Variants in RBFOX3 observed in about 807,000 individuals in gnomAD.
RBFOX3 encodes RNA binding fox-1 homolog 3.
RBFOX3 carries 17 observed loss-of-function variants against 48.7 expected under a neutral mutation model. The observed-to-expected ratio is 0.35, with a 90% CI of 0.24 to 0.52. The LOEUF is 0.52. Ranked by LOEUF, RBFOX3 falls within the 20% of genes least tolerant of loss-of-function variation. The probability of loss-of-function intolerance (pLI) is 0.94; values close to 1 mark genes in which losing one functional copy is unlikely to be tolerated. For missense variants in RBFOX3, 382 were observed against 497.5 expected, an observed-to-expected ratio of 0.77 and a Z score of 2.21; for synonymous variants, 212 against 209.5, an observed-to-expected ratio of 1.01 and a Z score of -0.10.
intron 2 of RBFOX3, among the ~76,000 whole-genome samples, chr17:79,476,801 C>T (rs2077833754): frequency 6.6e-6 from 1 of 151,054 alleles, no homozygotes; most frequent in South Asian, 2.1e-4. Flanking sequence ...CACACAATTC[C>T]TCAGTGGGGT....
At chr17:79,510,144 C>G (rs1016327154) in intron 1 of RBFOX3, among the ~76,000 whole-genome samples, 1 of 152,152 alleles carries the variant, frequency 6.6e-6, no homozygotes, top group South Asian at 2.1e-4. Context: ...GGTCAGCAGC[C>G]AAGTCTCCTG....
Position 79,610,973 on chromosome 17 carries a change from C to T in RBFOX3, c.-467G>A, listed in dbSNP as rs1205377742. ...GGCGCGCGAGGCCGGGCTCGGGCGG[C>T]AGCTGTGGCAGCTGCTTCTCCTCCG... On this transcript the variant is annotated 5_prime_UTR_variant, in exon 1 of 15. Transcript: ENST00000693108. 1.3e-5 allele frequency among the ~76,000 whole-genome samples: 2 copies of T among 151,142 alleles called. No individual in the cohort carries two copies. The highest frequency in any genetic ancestry group is 6.6e-5 in the Admixed American group (1 of 15,194).
intron 2 of RBFOX3, among the ~76,000 whole-genome samples, chr17:79,372,844 T>C (rs1228389704): frequency 6.6e-6 from 1 of 152,194 alleles, no homozygotes; most frequent in Non-Finnish European, 1.5e-5. Flanking sequence ...TGGGGGAAGC[T>C]GACAGAAAAC....
chr17:79,572,539 T>G (rs1445750238), intron 1 of RBFOX3, among the ~76,000 whole-genome samples: 3 of 151,928 alleles, frequency 2.0e-5, no homozygotes, highest in African/African-American at 7.3e-5. Flanking sequence ...CTGAAGGCCT[T>G]CAGCCCTCTC....
At chr17:79,131,930 C>T (rs966198693) in intron 4 of RBFOX3, among the ~76,000 whole-genome samples, 6 of 152,148 alleles carry the variant, frequency 3.9e-5, no homozygotes, top group African/African-American at 1.4e-4. Context: ...GATTTTCACA[C>T]GATTAAGCGG....
chr17:79,235,927 C>G (rs1323858750), intron 3 of RBFOX3, 122 bp from the exon 4 acceptor site: 1 of 153,218 alleles, frequency 6.5e-6, no homozygotes, highest in Non-Finnish European at 1.5e-5. Flanking sequence ...AGCATCATCT[C>G]CCTGGGAGTC....
At chr17:79,282,658 G>A (rs905301803) in intron 3 of RBFOX3, among the ~76,000 whole-genome samples, 1 of 152,256 alleles carries the variant, frequency 6.6e-6, no homozygotes, top group Non-Finnish European at 1.5e-5. Context: ...CCCATAAGAG[G>A]CACTGTGCAG....
intron 4 of RBFOX3, among the ~76,000 whole-genome samples, chr17:79,223,782 A>C (rs904761653): frequency 2.0e-5 from 3 of 152,188 alleles, no homozygotes; most frequent in African/African-American, 7.2e-5. Flanking sequence ...TTCCAAGCTC[A>C]GCTGCTCTGT....
intron 4 of RBFOX3, among the ~76,000 whole-genome samples, chr17:79,180,811 G>A (rs1201615066): frequency 2.6e-5 from 4 of 151,084 alleles, no homozygotes; most frequent in South Asian, 2.1e-4. Context: ...CAGAACAGCC[G>A]CGGGCGAGGG....
intron 1 of RBFOX3, among the ~76,000 whole-genome samples, chr17:79,540,141 A>G (rs2150160126): frequency 6.6e-6 from 1 of 152,312 alleles, no homozygotes; most frequent in Middle Eastern, 3.4e-3. Flanking sequence ...AATCACACGC[A>G]TGCACACACA....
chr17:79,421,135 G>A lies in RBFOX3; in HGVS notation c.-175+61319C>T, dbSNP rs9899233. Among the ~76,000 whole-genome samples, 29,692 of 152,014 alleles carry A rather than the reference G, an allele frequency of 0.2. 3,161 individuals carry two copies. The highest frequency in any genetic ancestry group is 0.39 in the East Asian group (2,010 of 5,120). On this transcript the variant is annotated intron_variant, in intron 2 of 14. Coordinates refer to ENST00000693108, the MANE Select transcript of RBFOX3 (RefSeq NM_001350451.2). The surrounding 1 kb of genome is among the most constrained non-coding windows in gnomAD (Gnocchi z 4.5). ...ACATCAGTGCCAGGAAGATGACACC[G>A]TCCTGGCTTCACAGCAGAGGGCAGG...
chr17:79,450,893 G>T (rs2073363300), intron 2 of RBFOX3, among the ~76,000 whole-genome samples: 1 of 152,166 alleles, frequency 6.6e-6, no homozygotes, highest in African/African-American at 2.4e-5. Context: ...TAAAACTCTG[G>T]CTAAGGAAAC....
Position 79,479,343 on chromosome 17 carries a change from C to T in RBFOX3, c.-175+3111G>A, listed in dbSNP as rs2078438862. Among the ~76,000 whole-genome samples the T allele has an allele frequency of 1.3e-5, 2 of 152,070 alleles. No homozygotes were observed. The highest frequency in any genetic ancestry group is 4.8e-5 in the African/African-American group (2 of 41,376). ...CTGACCTCAGATGTGTGTACATGGC[C>T]CTCTTCCTTCAGACACCCGCCATCC... On this transcript the variant is annotated intron_variant, in intron 2 of 14. Coordinates refer to ENST00000693108, the MANE Select transcript of RBFOX3 (RefSeq NM_001350451.2). The surrounding 1 kb of genome is among the most constrained non-coding windows in gnomAD (Gnocchi z 5.1).
chr17:79,659,477 G>A, the RBFOX3 span, among the ~76,000 whole-genome samples: 1 of 152,014 alleles, frequency 6.6e-6, no homozygotes, highest in Admixed American at 6.5e-5. Flanking sequence ...CACCTGGCAA[G>A]TTCAAGGAAC....
chr17:79,491,819 C>T (rs2080711742), intron 1 of RBFOX3, among the ~76,000 whole-genome samples: 1 of 152,188 alleles, frequency 6.6e-6, no homozygotes, highest in Non-Finnish European at 1.5e-5. Context: ...GTGGTTCATA[C>T]CTGTAATCCC....
intron 2 of RBFOX3, among the ~76,000 whole-genome samples, chr17:79,336,839 G>T (rs758830604): frequency 6.6e-6 from 1 of 152,254 alleles, no homozygotes; most frequent in Non-Finnish European, 1.5e-5. Flanking sequence ...AGTGAAGTGG[G>T]CCGGGTGAGG....
At position 79,195,212 on chromosome 17, in the gene RBFOX3, A is replaced by G. The variant is rs1400780015; in HGVS notation, c.-34+40554T>C. Among the ~76,000 whole-genome samples the G allele has an allele frequency of 6.6e-6, 1 of 152,126 alleles. No homozygotes were observed. Among genetic ancestry groups the G allele is most frequent in the Non-Finnish European group, 1.5e-5 (1 of 68,018 alleles). On this transcript the variant is annotated intron_variant, in intron 4 of 14. Transcript: ENST00000693108. This position sits in a 1 kb window ranked among gnomAD's most constrained non-coding sequence, Gnocchi z 5.3. ...GGAGTTCGAGACCAGCCTGGTCAAC[A>G]TGGTGAAACCCTGTTTCTACTAAAA...
intron 3 of RBFOX3, among the ~76,000 whole-genome samples, chr17:79,267,535 C>T (rs1392880599): frequency 2.0e-5 from 3 of 152,134 alleles, no homozygotes; most frequent in Non-Finnish European, 2.9e-5. Context: ...GGATTATAGG[C>T]GCATGCCACC....
chr17:79,581,580 C>T (rs1320889298), intron 1 of RBFOX3, among the ~76,000 whole-genome samples: 3 of 152,316 alleles, frequency 2.0e-5, no homozygotes, highest in East Asian at 1.9e-4. Context: ...GCTGTGTAGA[C>T]GCTCCTTGGC....
Sources: allele counts gnomAD v4.1 joint callset (sites outside exome capture counted in the v4.1 genomes callset), GRCh38; gene constraint gnomAD v4.1.1; non-coding constraint Gnocchi (gnomAD v3.1); transcripts MANE v1.5; gene names NCBI Gene and HGNC (gene_info 2026-07-23, HGNC 2026-07-21).